The following AK8 variants were observed in gnomAD, a reference collection of about 807,000 sequenced individuals.
AK8 encodes ATP-AMP transphosphorylase 8.
A neutral mutation model predicts 54.6 loss-of-function variants in AK8; 44 were observed. The ratio of observed to expected loss-of-function variants is 0.81; its 90% CI spans 0.63 to 1.04. The LOEUF is 1.04. Among genes scored for constraint, AK8 ranks in the 50% least tolerant of loss-of-function variants. AK8 has a pLI of 0.00. For synonymous variants in AK8, 239 were observed against 245.6 expected (o/e 0.97, Z 0.25); for missense variants, 555 against 613.6 (o/e 0.90, Z 1.01).
chr9:132,857,099 A>G (rs138145460), intron 4 of AK8, among the ~76,000 whole-genome samples: 11 of 152,304 alleles, frequency 7.2e-5, no homozygotes, highest in South Asian at 6.2e-4. Flanking sequence ...CCTGGCTCCA[A>G]CATCTGCTGA....
Position 132,725,690 on chromosome 9 carries a change from AG to A in AK8, c.1437del (p.Ter480AspfsTer32). 1 of 1,572,648 alleles carries A rather than the reference AG, an allele frequency of 6.4e-7. No homozygotes were observed. On this transcript the variant is annotated frameshift_variant, in exon 13 of 13. Transcript: ENST00000298545. LOFTEE classifies it high-confidence loss of function. ...CAGCGCTCCTGGCTCTGAACCCATC[AG>A]GGGATTTTCTTGGGCAGGGGATTAA... ...GIINPLPKKIP is the reference protein window; with the variant it reads ...GIINPLPKKIX
chr9:132,874,990 T>C, intron 2 of AK8, 125 bp downstream of exon 2: 1 of 1,246,988 alleles, frequency 8.0e-7, no homozygotes, highest in Non-Finnish European at 1.1e-6. Context: ...TGCTCAGCTA[T>C]TCTCGGGATG....
At position 132,822,302 on chromosome 9, in the gene AK8, T is replaced by A. The variant is rs182470754; in HGVS notation, c.889+903A>T. Among the ~76,000 whole-genome samples, 62 of 145,592 alleles carry A rather than the reference T, an allele frequency of 4.3e-4. 1 individual carries two copies. The highest frequency in any genetic ancestry group is 1.5e-3 in the African/African-American group (60 of 39,526). On this transcript the variant is annotated intron_variant, in intron 9 of 12. Transcript: ENST00000298545. ...ACATATATGTGTATGTATATACAAA[T>A]ATATACATATATGTGTATGTATATA...
intron 10 of AK8, among the ~76,000 whole-genome samples, chr9:132,797,884 C>G (rs1840249871): frequency 6.6e-6 from 1 of 152,236 alleles, no homozygotes; most frequent in South Asian, 2.1e-4. Flanking sequence ...TCCACCAGTT[C>G]CGGAAGCTCT....
chr9:132,804,929 GA>G (rs962325717), intron 10 of AK8, among the ~76,000 whole-genome samples: 2 of 152,222 alleles, frequency 1.3e-5, no homozygotes, highest in Non-Finnish European at 2.9e-5. Context: ...AGCCCAATGA[GA>G]AAGAACCCGT....
At chr9:132,875,334 C>G in intron 1 of AK8, 135 bp from the exon 2 acceptor site, 1 of 1,482,416 alleles carries the variant, frequency 6.7e-7, no homozygotes, top group Non-Finnish European at 9.0e-7. Context: ...CAGCCACCGC[C>G]CCAGCTGGCA....
At chr9:132,742,602 C>T (rs1342522760) in intron 11 of AK8, among the ~76,000 whole-genome samples, 3 of 152,352 alleles carry the variant, frequency 2.0e-5, no homozygotes, top group Non-Finnish European at 1.5e-5. Context: ...AGGGGCTGTG[C>T]CAGGTCTGCG....
At chr9:132,759,945 C>G (rs1284317142) in intron 11 of AK8, among the ~76,000 whole-genome samples, 1 of 136,224 alleles carries the variant, frequency 7.3e-6, no homozygotes, top group African/African-American at 2.8e-5. Context: ...CAAGTTGCAT[C>G]AAAAAGAACC....
At chr9:132,823,489 G>C (rs1412049955) in intron 8 of AK8, among the ~76,000 whole-genome samples, 153 bp from the exon 9 acceptor site, 1 of 152,216 alleles carries the variant, frequency 6.6e-6, no homozygotes, top group East Asian at 1.9e-4. Context: ...GAAGAGGCAG[G>C]GAAAAGAATT....
At chr9:132,765,291 T>TAAAAAAAA (rs1838673583) in intron 11 of AK8, among the ~76,000 whole-genome samples, 1 of 13,894 alleles carries the variant, frequency 7.2e-5, no homozygotes, top group Non-Finnish European at 1.5e-4. Flanking sequence ...AGACTCCATT[T>TAAAAAAAA]CAAAAAAAAA....
At chr9:132,853,610 A>G (rs1264628528) in intron 5 of AK8, among the ~76,000 whole-genome samples, 1 of 151,686 alleles carries the variant, frequency 6.6e-6, no homozygotes, top group Non-Finnish European at 1.5e-5. Flanking sequence ...AGCCTGAGAA[A>G]TAGAGGGAGA....
chr9:132,869,374 A>T (rs1419009591), intron 2 of AK8, among the ~76,000 whole-genome samples: 1 of 152,154 alleles, frequency 6.6e-6, no homozygotes, highest in East Asian at 1.9e-4. Context: ...CTGCTGTCAC[A>T]TGTGGGCATG....
chr9:132,832,741 C>T (rs779641473), intron 5 of AK8, among the ~76,000 whole-genome samples: 10 of 152,238 alleles, frequency 6.6e-5, no homozygotes, highest in Non-Finnish European at 1.2e-4. Flanking sequence ...TTCAGGGGAA[C>T]AGCTCTCACT....
At chr9:132,812,699 C>T (rs1008065613) in intron 10 of AK8, among the ~76,000 whole-genome samples, 2 of 152,174 alleles carry the variant, frequency 1.3e-5, no homozygotes, top group Non-Finnish European at 2.9e-5. Context: ...AAGCCTGGGG[C>T]TTCGAGAAGG....
At chr9:132,733,321 T>C (rs73659465) in intron 11 of AK8, among the ~76,000 whole-genome samples, 1,660 of 151,944 alleles carry the variant, frequency 0.011, 32 homozygotes, top group African/African-American at 0.036. Flanking sequence ...CGGCCCCCCT[T>C]GCACCCCCGG....
chr9:132,766,492 A>T (rs934273876), intron 11 of AK8, among the ~76,000 whole-genome samples: 1 of 152,342 alleles, frequency 6.6e-6, no homozygotes, highest in Admixed American at 6.5e-5. Flanking sequence ...GAAATTAAAG[A>T]GGTCATACAC....
At chr9:132,730,437 T>TTA in intron 11 of AK8, among the ~76,000 whole-genome samples, 1 of 8,392 alleles carries the variant, frequency 1.2e-4, no homozygotes, top group East Asian at 7.5e-3. Context: ...CCACTGCCTG[T>TTA]TTTTTTTTTT....
intron 10 of AK8, among the ~76,000 whole-genome samples, chr9:132,809,840 G>C (rs144412438): frequency 2.3e-4 from 35 of 152,372 alleles, no homozygotes; most frequent in African/African-American, 7.7e-4. Context: ...ATTCGGGAAG[G>C]AGGGGGCCTC....
intron 9 of AK8, among the ~76,000 whole-genome samples, chr9:132,818,409 A>G (rs1258070458): frequency 2.0e-5 from 3 of 152,226 alleles, no homozygotes; most frequent in Non-Finnish European, 4.4e-5. Context: ...ACGCAGAAGT[A>G]AAATGTATGT....
Sources: allele counts gnomAD v4.1 joint callset (sites outside exome capture counted in the v4.1 genomes callset), GRCh38; gene constraint gnomAD v4.1.1; transcripts MANE v1.5; gene names NCBI Gene and HGNC (gene_info 2026-07-23, HGNC 2026-07-21).